Variants in GALNT11 observed in about 807,000 individuals in gnomAD.
The protein encoded by GALNT11 is polypeptide N-acetylgalactosaminyltransferase 11.
Under a neutral mutation model 72.7 loss-of-function variants are expected in GALNT11, and 47 were observed. That is an observed-to-expected ratio of 0.65 (90% CI 0.51 to 0.82). The LOEUF (loss-of-function observed/expected upper bound fraction) is 0.82, where lower values mean the gene tolerates loss of function less well. Among genes scored for constraint, GALNT11 ranks in the 40% least tolerant of loss-of-function variants. The pLI is 0.00. For missense variants in GALNT11, 677 were observed against 778.4 expected, an observed-to-expected ratio of 0.87 and a Z score of 1.55; for synonymous variants, 270 against 286.6, an observed-to-expected ratio of 0.94 and a Z score of 0.58.
In GALNT11 at chr7:152,089,950, C is replaced by T. The variant is rs149595747; in HGVS notation, c.-38-4240C>T. On this transcript the variant is annotated intron_variant, in intron 1 of 11. Transcript: ENST00000430044. ...ACAATCGAGGAAGTCATGAATTTTG[C>T]GACGTCTGGCCACATGACTCCCGAG... Among the ~76,000 whole-genome samples the T allele has an allele frequency of 4.7e-4, 71 of 152,280 alleles. 2 individuals are homozygous for T. The South Asian group carries it at 0.012, about 26-fold the overall frequency.
chr7:152,033,946 C>G (rs2082431034), intron 1 of GALNT11, among the ~76,000 whole-genome samples: 1 of 152,230 alleles, frequency 6.6e-6, no homozygotes, highest in South Asian at 2.1e-4. Flanking sequence ...CATGACATCT[C>G]TCCAAGTGAC....
At position 152,108,057 on chromosome 7, in the gene GALNT11, G is replaced by T. The variant is rs542236528; in HGVS notation, c.732G>T (p.Leu244=). The T allele has an allele frequency of 1.2e-6, 2 of 1,611,054 alleles. No individual in the cohort carries two copies. Among genetic ancestry groups the T allele is most frequent in the Non-Finnish European group, 1.7e-6 (2 of 1,177,536 alleles). The change falls in exon 6 of 12, where the codon CTG becomes CTT. Residue 244 remains leucine (L), a synonymous_variant. Transcript: ENST00000430044. ...CCCCAGGAGAAGTCCTTGTGTTCCT[G>T]GACAGCCACTGTGAAGTGAATGTGA... ...AHATGEVLVF[L]DSHCEVNVMW...
rs527815485 is a variant in GALNT11, at chr7:152,033,773, G to A, written c.-39+7889G>A. On this transcript the variant is annotated intron_variant, in intron 1 of 11. Transcript: ENST00000430044. ...TGATCTGAGTCAAGGTCCCAGTGGG[G>A]ATCCATACTGGGGATGGCTTGCTTA... Among the ~76,000 whole-genome samples the A allele has an allele frequency of 2.0e-5, 3 of 152,298 alleles. No individual in the cohort carries two copies. In the South Asian group the frequency reaches 6.2e-4, roughly 32 times the overall value.
At chr7:152,058,260 G>A (rs2083800491) in intron 1 of GALNT11, among the ~76,000 whole-genome samples, 1 of 152,130 alleles carries the variant, frequency 6.6e-6, no homozygotes, top group Non-Finnish European at 1.5e-5. Context: ...TCTTTTTGCT[G>A]GTGAGAGTCT....
intron 1 of GALNT11, among the ~76,000 whole-genome samples, chr7:152,076,744 C>T (rs1430211934): frequency 6.6e-6 from 1 of 152,180 alleles, no homozygotes; most frequent in Non-Finnish European, 1.5e-5. Context: ...GATAGTAATG[C>T]TCAAGGGGAC....
intron 1 of GALNT11, among the ~76,000 whole-genome samples, chr7:152,049,929 G>C (rs569170089): frequency 6.6e-6 from 1 of 152,090 alleles, no homozygotes; most frequent in Non-Finnish European, 1.5e-5. Context: ...GCTACTGCCA[G>C]TGTTCATTCA....
intron 1 of GALNT11, among the ~76,000 whole-genome samples, chr7:152,066,605 T>A (rs2084326651): frequency 6.6e-6 from 1 of 152,216 alleles, no homozygotes; most frequent in Admixed American, 6.5e-5. Context: ...TGTAGTTTTT[T>A]ATTTAAAGTG....
chr7:152,119,440 GA>G (rs1175970170), intron 10 of GALNT11: 2 of 151,738 alleles, frequency 1.3e-5, no homozygotes, highest in African/African-American at 2.4e-5. Context: ...GTGTCACTCA[GA>G]AAGGAAAAAA....
intron 1 of GALNT11, among the ~76,000 whole-genome samples, chr7:152,062,837 CT>C (rs2084095576): frequency 6.6e-6 from 1 of 152,126 alleles, no homozygotes; most frequent in Non-Finnish European, 1.5e-5. Context: ...GGTGGATAAG[CT>C]TTTTGATGTG....
intron 1 of GALNT11, among the ~76,000 whole-genome samples, chr7:152,071,467 AC>A (rs1272059810): frequency 2.0e-5 from 3 of 152,216 alleles, no homozygotes; most frequent in Admixed American, 2.0e-4. Flanking sequence ...TATTCCCTGA[AC>A]AATTGCTGTT....
At chr7:152,087,520 G>C (rs965577581) in intron 1 of GALNT11, among the ~76,000 whole-genome samples, 2 of 152,218 alleles carry the variant, frequency 1.3e-5, no homozygotes, top group African/African-American at 4.8e-5. Flanking sequence ...GTAGGGACTT[G>C]CAGGTCTTTG....
At chr7:152,080,990 CA>C (rs1024505494) in intron 1 of GALNT11, among the ~76,000 whole-genome samples, 6 of 151,626 alleles carry the variant, frequency 4.0e-5, no homozygotes, top group African/African-American at 7.3e-5. Flanking sequence ...AAAAAACAAA[CA>C]AAAAAAACCC....
chr7:152,029,785 C>CT (rs2082217410), intron 1 of GALNT11, among the ~76,000 whole-genome samples: 1 of 152,244 alleles, frequency 6.6e-6, no homozygotes, highest in East Asian at 1.9e-4. Flanking sequence ...ATCTATGGTC[C>CT]TGTCCTGAAG....
At chr7:152,052,958 T>C (rs916044168) in intron 1 of GALNT11, among the ~76,000 whole-genome samples, 1 of 152,230 alleles carries the variant, frequency 6.6e-6, no homozygotes, top group Non-Finnish European at 1.5e-5. Flanking sequence ...ATTGATTTTA[T>C]TATCCCTTTG....
chr7:152,034,761 G>A (rs1245541798), intron 1 of GALNT11, among the ~76,000 whole-genome samples: 3 of 152,178 alleles, frequency 2.0e-5, no homozygotes, highest in Admixed American at 1.3e-4. Flanking sequence ...ACTCACTGAC[G>A]CAGCAGCAGA....
At chr7:152,029,933 C>T (rs544015838) in intron 1 of GALNT11, among the ~76,000 whole-genome samples, 9 of 152,324 alleles carry the variant, frequency 5.9e-5, no homozygotes, top group African/African-American at 1.7e-4. Context: ...TTTTGGGCTA[C>T]GCCCTTGTTT....
At chr7:152,082,007 AT>A (rs1283010451) in intron 1 of GALNT11, among the ~76,000 whole-genome samples, 1 of 152,154 alleles carries the variant, frequency 6.6e-6, no homozygotes, top group Non-Finnish European at 1.5e-5. Flanking sequence ...GGACAATGGG[AT>A]TTATTTTAGC....
chr7:152,072,855 T>C (rs1014000028), intron 1 of GALNT11, among the ~76,000 whole-genome samples: 3 of 152,232 alleles, frequency 2.0e-5, no homozygotes, highest in Non-Finnish European at 2.9e-5. Flanking sequence ...TGTGTGCTTG[T>C]GGCAGGATTG....
chr7:152,104,256 C>G (rs2087283344), intron 4 of GALNT11: 1 of 152,336 alleles, frequency 6.6e-6, no homozygotes, highest in South Asian at 2.1e-4. Flanking sequence ...CTGCATAGCT[C>G]CAAGCCTTCT....
Sources: gnomAD v4.1 joint callset for allele counts (sites outside exome capture counted in the v4.1 genomes callset) on GRCh38, gnomAD v4.1.1 for gene constraint, MANE v1.5 for transcripts, NCBI Gene and HGNC (gene_info 2026-07-23, HGNC 2026-07-21) for gene names.